The following IGSF21 variants were observed in gnomAD, a reference collection of about 807,000 sequenced individuals.
IGSF21 encodes the protein immunoglobulin superfamily member 21.
In IGSF21, 28 loss-of-function variants were observed where a neutral mutation model predicts 46.8. The observed-to-expected ratio is 0.60, with a 90% CI of 0.44 to 0.82. The LOEUF is 0.82. Ranked by LOEUF, IGSF21 falls within the 40% of genes least tolerant of loss-of-function variation. IGSF21 has a pLI of 0.00. For missense variants in IGSF21, 624 were observed against 665.5 expected (o/e 0.94, Z 0.69); for synonymous variants, 284 against 273.6 (o/e 1.04, Z -0.38).
chr1:18,216,757 G>A (rs570987114), intron 1 of IGSF21, among the ~76,000 whole-genome samples: 1 of 152,164 alleles, frequency 6.6e-6, no homozygotes, highest in Non-Finnish European at 1.5e-5. Flanking sequence ...CAACAAGGAG[G>A]TAGATGGTTG....
At chr1:18,110,433 T>C (rs1026733781) in intron 1 of IGSF21, 1 of 152,106 alleles carries the variant, frequency 6.6e-6, no homozygotes, top group Non-Finnish European at 1.5e-5. Context: ...CCGAGAGAGG[T>C]GCACCTGGCA....
intron 4 of IGSF21, among the ~76,000 whole-genome samples, chr1:18,359,458 GAAAGGGAAGGAAGGAAGGAAGGAA>G (rs1349079696): frequency 8.3e-6 from 1 of 120,838 alleles, no homozygotes; most frequent in African/African-American, 3.6e-5. Context: ...AAGAAAGAAA[GAAAGGGAAGGAAGGAAGGAAGGAA>G]GGAAGGAAGG....
At chr1:18,250,353 G>A (rs1228441624) in intron 2 of IGSF21, among the ~76,000 whole-genome samples, 2 of 151,876 alleles carry the variant, frequency 1.3e-5, no homozygotes, top group East Asian at 3.9e-4. Context: ...ACTAAAGACA[G>A]AGTAAGTGCT....
intron 1 of IGSF21, among the ~76,000 whole-genome samples, chr1:18,210,165 A>T (rs1457012096): frequency 6.6e-6 from 1 of 152,254 alleles, no homozygotes; most frequent in Non-Finnish European, 1.5e-5. Context: ...TTAATGAAGT[A>T]TTAATATGAA....
intron 2 of IGSF21, among the ~76,000 whole-genome samples, chr1:18,232,985 G>T (rs1405425489): frequency 6.6e-6 from 1 of 152,188 alleles, no homozygotes; most frequent in East Asian, 1.9e-4. Context: ...GAACTCATTT[G>T]GTTGGAGGCC....
At chr1:18,140,831 G>A (rs1401984726) in intron 1 of IGSF21, among the ~76,000 whole-genome samples, 1 of 152,164 alleles carries the variant, frequency 6.6e-6, no homozygotes, top group Non-Finnish European at 1.5e-5. Flanking sequence ...TCCTCTGCGG[G>A]CTGCCCCTTC....
intron 6 of IGSF21, among the ~76,000 whole-genome samples, chr1:18,374,253 G>C (rs2124639424): frequency 6.6e-6 from 1 of 152,326 alleles, no homozygotes; most frequent in East Asian, 1.9e-4. Context: ...TGGGCTCCCT[G>C]AGCCTTCATT....
intron 3 of IGSF21, among the ~76,000 whole-genome samples, chr1:18,318,977 C>T (rs562181710): frequency 2.6e-5 from 4 of 152,262 alleles, no homozygotes; most frequent in Admixed American, 1.3e-4. Flanking sequence ...CTTCCCTCAC[C>T]ATCCACACCA....
At chr1:18,205,520 G>A (rs1234751386) in intron 1 of IGSF21, among the ~76,000 whole-genome samples, 2 of 152,112 alleles carry the variant, frequency 1.3e-5, no homozygotes, top group African/African-American at 2.4e-5. Context: ...GACTGTGATC[G>A]AGTGAGGCCC....
At chr1:18,115,387 G>A (rs964132087) in intron 1 of IGSF21, 8 of 152,210 alleles carry the variant, frequency 5.3e-5, no homozygotes, top group African/African-American at 1.9e-4. Context: ...TCTCCCTCCT[G>A]AACAGAGCTA....
intron 3 of IGSF21, among the ~76,000 whole-genome samples, chr1:18,323,027 G>A (rs1248476242): frequency 6.6e-6 from 1 of 152,106 alleles, no homozygotes; most frequent in Non-Finnish European, 1.5e-5. Flanking sequence ...CGGGACCAGC[G>A]ACCCCATATC....
At chr1:18,234,022 G>A (rs2084651554) in intron 2 of IGSF21, among the ~76,000 whole-genome samples, 1 of 152,094 alleles carries the variant, frequency 6.6e-6, no homozygotes, top group African/African-American at 2.4e-5. Flanking sequence ...TATCATAAGG[G>A]CAAGAAGGTA....
At chr1:18,215,393 GC>G (rs1460291859) in intron 1 of IGSF21, among the ~76,000 whole-genome samples, 1 of 152,192 alleles carries the variant, frequency 6.6e-6, no homozygotes, top group African/African-American at 2.4e-5. Context: ...AAACAGACTG[GC>G]AAAAAGAAGT....
chr1:18,122,839 C>G (rs776164820), intron 1 of IGSF21, among the ~76,000 whole-genome samples: 1 of 152,136 alleles, frequency 6.6e-6, no homozygotes, highest in Non-Finnish European at 1.5e-5. Context: ...GTTGCCTAGG[C>G]TGGTTTTGAA....
chr1:18,343,312 A>C (rs2085861555), intron 4 of IGSF21, among the ~76,000 whole-genome samples: 1 of 152,072 alleles, frequency 6.6e-6, no homozygotes, highest in Admixed American at 6.5e-5. Flanking sequence ...TTTATGATTG[A>C]GTTGTAAGAG....
At chr1:18,169,593 G>A (rs1199403517) in intron 1 of IGSF21, among the ~76,000 whole-genome samples, 1 of 152,214 alleles carries the variant, frequency 6.6e-6, no homozygotes, top group African/African-American at 2.4e-5. Flanking sequence ...CCGAGTTAGC[G>A]AGTGTCTTTG....
chr1:18,223,780 G>A (rs2084535137), intron 1 of IGSF21, among the ~76,000 whole-genome samples: 1 of 152,208 alleles, frequency 6.6e-6, no homozygotes, highest in African/African-American at 2.4e-5. Context: ...AAAAATGGGA[G>A]TGAGAGTGCT....
chr1:18,230,619 A>T lies in IGSF21; in HGVS notation c.183+2609A>T, dbSNP rs143000952. ...CACGTGCCCGCCTATGATGGGAAGG[A>T]TGGGGGCAGAGGAAGGAAGGAAATT... On this transcript the variant is annotated intron_variant, in intron 2 of 9. Coordinates refer to ENST00000251296, the MANE Select transcript of IGSF21 (RefSeq NM_032880.5). Among the ~76,000 whole-genome samples, 414 of 152,136 alleles carry T rather than the reference A, an allele frequency of 2.7e-3. 2 individuals are homozygous for T. The highest frequency in any genetic ancestry group is 9.8e-3 in the African/African-American group (405 of 41,494).
At chr1:18,264,998 C>T (rs1424473586) in intron 2 of IGSF21, among the ~76,000 whole-genome samples, 1 of 152,198 alleles carries the variant, frequency 6.6e-6, no homozygotes, top group African/African-American at 2.4e-5. Flanking sequence ...ACAATCCCGG[C>T]TCTTTTCACA....
Sources: allele counts gnomAD v4.1 joint callset (sites outside exome capture counted in the v4.1 genomes callset), GRCh38; gene constraint gnomAD v4.1.1; transcripts MANE v1.5; gene names NCBI Gene and HGNC (gene_info 2026-07-23, HGNC 2026-07-21).